The following ADAM32 variants were observed in gnomAD, a reference collection of about 807,000 sequenced individuals.
ADAM32 encodes disintegrin and metalloproteinase domain-containing protein 32.
A neutral mutation model predicts 114.9 loss-of-function variants in ADAM32; 89 were observed. The observed-to-expected ratio is 0.77, with a 90% CI of 0.65 to 0.92. The LOEUF is 0.92. Ranked by LOEUF, ADAM32 falls within the 40% of genes least tolerant of loss-of-function variation. ADAM32 has a pLI of 0.00. For missense variants in ADAM32, 870 were observed against 932.8 expected, an observed-to-expected ratio of 0.93 and a Z score of 0.88; for synonymous variants, 285 against 307.5, an observed-to-expected ratio of 0.93 and a Z score of 0.77.
At chr8:39,206,483 G>T (rs1285235842) in intron 11 of ADAM32, among the ~76,000 whole-genome samples, 2 of 152,200 alleles carry the variant, frequency 1.3e-5, no homozygotes, top group Non-Finnish European at 2.9e-5. Flanking sequence ...CAGGCCCCAG[G>T]ACAGCATGTT....
chr8:39,160,807 T>A, intron 6 of ADAM32, 90 bp from the exon 7 acceptor site: 2 of 1,105,644 alleles, frequency 1.8e-6, no homozygotes, highest in South Asian at 3.2e-5. Context: ...GCATATCTTG[T>A]AAGTGCTGTG....
chr8:39,281,238 A>G, intron 23 of ADAM32, 64 bp downstream of exon 23: 1 of 1,015,828 alleles, frequency 9.8e-7, no homozygotes, highest in Non-Finnish European at 1.3e-6. Flanking sequence ...GAAAAAGTTG[A>G]TAATTCACAA....
chr8:39,193,286 G>C (rs1361099409), intron 11 of ADAM32, among the ~76,000 whole-genome samples: 1 of 152,078 alleles, frequency 6.6e-6, no homozygotes, highest in East Asian at 1.9e-4. Flanking sequence ...GGCTTGGTCT[G>C]TTCTGCTCTT....
intron 15 of ADAM32, among the ~76,000 whole-genome samples, chr8:39,233,409 T>C (rs1363506844): frequency 1.3e-5 from 2 of 152,212 alleles, no homozygotes; most frequent in African/African-American, 4.8e-5. Flanking sequence ...GTCATGGTGC[T>C]GGTGGGAGTA....
intron 14 of ADAM32, among the ~76,000 whole-genome samples, chr8:39,228,165 A>G (rs942304008): frequency 6.6e-6 from 1 of 152,214 alleles, no homozygotes; most frequent in Admixed American, 6.5e-5. Flanking sequence ...CCATGGGACA[A>G]AAGAATCTGA....
At chr8:39,139,949 G>A (rs949503527) in intron 3 of ADAM32, among the ~76,000 whole-genome samples, 1 of 152,294 alleles carries the variant, frequency 6.6e-6, no homozygotes, top group South Asian at 2.1e-4. Context: ...GTGAATGGGA[G>A]TTCACTCATG....
chr8:39,194,553 G>A (rs952862443), intron 11 of ADAM32, among the ~76,000 whole-genome samples: 2 of 152,168 alleles, frequency 1.3e-5, no homozygotes, highest in African/African-American at 4.8e-5. Flanking sequence ...GAGGGCACAA[G>A]CAAGCTGATA....
intron 1 of ADAM32, among the ~76,000 whole-genome samples, chr8:39,115,559 G>A (rs1292486149): frequency 6.7e-6 from 1 of 149,230 alleles, no homozygotes; most frequent in Admixed American, 6.7e-5. Context: ...TTTGAGAAGT[G>A]TCCATGTCAT....
intron 10 of ADAM32, among the ~76,000 whole-genome samples, chr8:39,185,442 G>T (rs1352093944): frequency 6.6e-6 from 1 of 152,132 alleles, no homozygotes; most frequent in Non-Finnish European, 1.5e-5. Context: ...TGTCTTGAAG[G>T]AAATATCCTC....
intron 9 of ADAM32, chr8:39,166,213 C>G (rs1804827793): frequency 1.3e-5 from 2 of 152,180 alleles, no homozygotes; most frequent in Admixed American, 1.3e-4. Flanking sequence ...ACTCTTCCCC[C>G]CAGTCCCCAC....
At chr8:39,261,175 G>A (rs1201955840) in intron 19 of ADAM32, among the ~76,000 whole-genome samples, 1 of 151,984 alleles carries the variant, frequency 6.6e-6, no homozygotes, top group African/African-American at 2.4e-5. Context: ...CGCATATCTC[G>A]CTGTAACTTT....
intron 11 of ADAM32, among the ~76,000 whole-genome samples, chr8:39,194,142 G>A (rs1341084373): frequency 1.3e-5 from 2 of 152,202 alleles, no homozygotes; most frequent in Admixed American, 1.3e-4. Context: ...TACTGTTCAT[G>A]TATTTGTGCT....
At chr8:39,186,123 A>T (rs1402637175) in intron 10 of ADAM32, among the ~76,000 whole-genome samples, 2 of 152,140 alleles carry the variant, frequency 1.3e-5, no homozygotes, top group Admixed American at 6.5e-5. Flanking sequence ...TCCATTGCTC[A>T]TTTGCAGCGT....
At chr8:39,258,061 G>A (rs1287878813) in intron 19 of ADAM32, among the ~76,000 whole-genome samples, 1 of 151,082 alleles carries the variant, frequency 6.6e-6, no homozygotes, top group Non-Finnish European at 1.5e-5. Context: ...ATTGTTTTAT[G>A]TATAATTTTA....
At chr8:39,203,961 C>T (rs1415477205) in intron 11 of ADAM32, among the ~76,000 whole-genome samples, 1 of 152,134 alleles carries the variant, frequency 6.6e-6, no homozygotes, top group African/African-American at 2.4e-5. Context: ...ATATTGGCCC[C>T]CACTCTCTTC....
intron 19 of ADAM32, among the ~76,000 whole-genome samples, chr8:39,269,936 C>A (rs1201256671): frequency 6.6e-6 from 1 of 152,154 alleles, no homozygotes; most frequent in East Asian, 1.9e-4. Flanking sequence ...GAAGGGGAAG[C>A]AAGGCACCTT....
At chr8:39,140,180 T>G (rs1319392930) in intron 3 of ADAM32, among the ~76,000 whole-genome samples, 3 of 152,218 alleles carry the variant, frequency 2.0e-5, no homozygotes, top group African/African-American at 7.2e-5. Flanking sequence ...TTCTCTTGCC[T>G]GATTTCCCTG....
chr8:39,164,669 A>G (rs2129446188), intron 7 of ADAM32, 95 bp from the exon 8 acceptor site: 3 of 912,246 alleles, frequency 3.3e-6, no homozygotes, highest in Non-Finnish European at 1.6e-6. Context: ...TTGAAACCCA[A>G]AGCAGCCTTA....
At chr8:39,222,189 A>T (rs1809017299) in intron 13 of ADAM32, among the ~76,000 whole-genome samples, 1 of 151,996 alleles carries the variant, frequency 6.6e-6, no homozygotes, top group East Asian at 1.9e-4. Flanking sequence ...CATTTGACTT[A>T]AAGATTATGT....
Sources: gnomAD v4.1 joint callset for allele counts (sites outside exome capture counted in the v4.1 genomes callset) on GRCh38, gnomAD v4.1.1 for gene constraint, MANE v1.5 for transcripts, NCBI Gene and HGNC (gene_info 2026-07-23, HGNC 2026-07-21) for gene names.